GPX8: variants seen among roughly 807,000 people sequenced by gnomAD.
GPX8 encodes the protein glutathione peroxidase 8 (putative).
In GPX8, 12 loss-of-function variants were observed where a neutral mutation model predicts 17.8. The observed-to-expected ratio is 0.67, with a 90% CI of 0.43 to 1.09. GPX8 has a LOEUF of 1.09. Among genes scored for constraint, GPX8 ranks in the 50% least tolerant of loss-of-function variants. The pLI is 0.00. For missense variants in GPX8, 209 were observed against 235.6 expected (o/e 0.89, Z 0.74); for synonymous variants, 86 against 88.1 (o/e 0.98, Z 0.14).
At chr5:55,160,915 T>G (rs1486835634) in intron 1 of GPX8, 79 bp from the exon 2 acceptor site, 2 of 1,447,168 alleles carry the variant, frequency 1.4e-6, no homozygotes, top group Non-Finnish European at 1.9e-6. Context: ...CCCAAATTGT[T>G]TAGGATTTTA....
chr5:55,161,139 G>A lies in GPX8; in HGVS notation c.350G>A (p.Arg117His), dbSNP rs1744032917. 1.9e-6 allele frequency: 3 copies of A among 1,614,160 alleles called. No individual in the cohort carries two copies. The highest frequency in any genetic ancestry group is 1.1e-5 in the South Asian group (1 of 91,080). ...AATCAGTTTGGAGAATCGGAGCCCCGCCCAAGCAAGGAAGTAGAATCTTTT... is the reference window on the plus strand; with the variant it reads ...AATCAGTTTGGAGAATCGGAGCCCCACCCAAGCAAGGAAGTAGAATCTTTT... ...PCNQFGESEP[R>H]PSKEVESFAR... The change falls in exon 2 of 3, where the codon CGC becomes CAC. Residue 117 changes from arginine to histidine, a missense_variant. By Grantham distance (29) the Arg-to-His change is conservative. Transcript: ENST00000503787.
At position 55,161,074 on chromosome 5, in the gene GPX8, G is replaced by A; in HGVS notation, c.285G>A (p.Glu95=). The A allele has an allele frequency of 1.2e-6, 2 of 1,614,184 alleles. No individual in the cohort carries two copies. Among genetic ancestry groups the A allele is most frequent in the South Asian group, 2.2e-5 (2 of 91,082 alleles). ...NYLGLKELHK[E]FGPSHFSVLA... is the part of the protein sequence containing the mutation. ...TAGGGCTGAAGGAACTGCACAAAGA[G>A]TTTGGACCATCCCACTTCAGCGTGT... Residue 95 remains glutamate (E), a synonymous_variant, in exon 2 of 3, where the codon GAG becomes GAA. Coordinates refer to ENST00000503787, the MANE Select transcript of GPX8 (RefSeq NM_001008397.4).
intron 2 of GPX8, among the ~76,000 whole-genome samples, chr5:55,163,309 C>G (rs573189665): frequency 2.0e-5 from 3 of 152,014 alleles, no homozygotes; most frequent in Admixed American, 6.5e-5. Context: ...CACTTTAGTG[C>G]CCAGGAGTTC....
chr5:55,162,194 G>C (rs891670310), intron 2 of GPX8, among the ~76,000 whole-genome samples: 1 of 151,406 alleles, frequency 6.6e-6, no homozygotes, highest in Admixed American at 6.6e-5. Flanking sequence ...TCAGGAGTTA[G>C]AGACTAGCCT....
chr5:55,162,090 CAAAAAA>C (rs34286995), intron 2 of GPX8, among the ~76,000 whole-genome samples: 77 of 90,714 alleles, frequency 8.5e-4, no homozygotes, highest in Admixed American at 1.6e-3. Flanking sequence ...CCATATTAGT[CAAAAAA>C]AAAAAAAAAA....
intron 1 of GPX8, 60 bp downstream of exon 1, chr5:55,160,456 T>C: frequency 7.2e-7 from 1 of 1,385,194 alleles, no homozygotes; most frequent in Non-Finnish European, 1.0e-6. Context: ...TTTATTCCTC[T>C]TAATAAAATC....
rs201959870 is a variant in GPX8 at position 55,161,231 on chromosome 5, G to A, written c.442G>A (p.Glu148Lys). 6.2e-7 allele frequency: 1 copy of A among 1,613,792 alleles called. No individual in the cohort carries two copies. Among genetic ancestry groups the A allele is most frequent in the African/African-American group, 1.3e-5 (1 of 75,000 alleles). Reference sequence around the variant, plus strand: ...GATTAAGATTCTAGGATCTGAAGGAGAACCTGCATTTAGATTTCTTGTTGG... The same window carrying A: ...GATTAAGATTCTAGGATCTGAAGGAAAACCTGCATTTAGATTTCTTGTTGG... ...HKIKILGSEG[E>K]PAFRFLVDSS... Residue 148 changes from glutamate (E) to lysine (K), a missense_variant, in exon 2 of 3, where the codon GAA (glutamate) becomes AAA (lysine). Transcript: ENST00000503787.
chr5:55,162,570 T>C (rs1051032813), intron 2 of GPX8, among the ~76,000 whole-genome samples: 1 of 152,230 alleles, frequency 6.6e-6, no homozygotes, highest in African/African-American at 2.4e-5. Context: ...TTCACATAAA[T>C]GTGAAGTCAG....
At chr5:55,162,636 G>A (rs1170272382) in intron 2 of GPX8, among the ~76,000 whole-genome samples, 3 of 152,134 alleles carry the variant, frequency 2.0e-5, no homozygotes, top group Non-Finnish European at 4.4e-5. Flanking sequence ...AATGCCTAAC[G>A]CCATAAATGG....
rs916619326 is a variant in GPX8 at position 55,167,042 on chromosome 5, T to A, written c.*2824T>A. ...GAGACCCCATCTTAAAGACCCTGTCTCAAAAAAGAGAGAAAAAGAAAAAGA... is the reference window on the plus strand; with the variant it reads ...GAGACCCCATCTTAAAGACCCTGTCACAAAAAAGAGAGAAAAAGAAAAAGA... On this transcript the variant is annotated 3_prime_UTR_variant, in exon 3 of 3. Transcript: ENST00000503787. 3 of 151,754 alleles carry A rather than the reference T, an allele frequency of 2.0e-5. No homozygotes were observed. The highest frequency in any genetic ancestry group is 7.3e-5 in the African/African-American group (3 of 41,288). The allele number at this position is 151,754 out of a possible 1,614,324, so 9.4% of individuals were successfully genotyped here.
Position 55,160,911 on chromosome 5 carries a change from T to C in GPX8, c.205-83T>C, listed in dbSNP as rs1744011719. On this transcript the variant is annotated intron_variant, in intron 1 of 2. Coordinates refer to ENST00000503787, the MANE Select transcript of GPX8 (RefSeq NM_001008397.4). The stretch of plus-strand genomic sequence containing the variant: ...ATCAGAGGTTATAGTCCCCCCCAAA[T>C]TGTTTAGGATTTTAACTACTTGCAG... 5.0e-6 allele frequency: 7 copies of C among 1,402,834 alleles called. No individual in the cohort carries two copies. The South Asian group carries it at 7.1e-5, about 14-fold the overall frequency. The allele number at this position is 1,402,834 out of a possible 1,614,324, so 86.9% of individuals were successfully genotyped here.
chr5:55,164,318 C>G lies in GPX8; in HGVS notation c.*100C>G, dbSNP rs1744262669. ...TTGGAGACAGTGTCTCACTCTGTCACCCAGGCTGGAGTGCAGTAGTGCGTT... is the reference window on the plus strand; with the variant it reads ...TTGGAGACAGTGTCTCACTCTGTCAGCCAGGCTGGAGTGCAGTAGTGCGTT... On this transcript the variant is annotated 3_prime_UTR_variant, in exon 3 of 3. Coordinates refer to ENST00000503787, the MANE Select transcript of GPX8 (RefSeq NM_001008397.4). 2 of 872,592 alleles carry G rather than the reference C, an allele frequency of 2.3e-6. No homozygotes were observed. The highest frequency in any genetic ancestry group is 1.6e-6 in the Non-Finnish European group (1 of 623,652). 54.1% of individuals were successfully genotyped at this position (872,592 alleles called of 1,614,324 possible). A position where few individuals can be genotyped will look rare whatever the true frequency, so the allele number is the denominator to read the frequency against.
At chr5:55,162,090 CAAAAAAAA>C (rs34286995) in intron 2 of GPX8, among the ~76,000 whole-genome samples, 6 of 90,732 alleles carry the variant, frequency 6.6e-5, no homozygotes, top group Admixed American at 1.2e-4. Flanking sequence ...CCATATTAGT[CAAAAAAAA>C]AAAAAAAAAA....
At chr5:55,161,806 C>A (rs2111562949) in intron 2 of GPX8, among the ~76,000 whole-genome samples, 1 of 152,294 alleles carries the variant, frequency 6.6e-6, no homozygotes, top group African/African-American at 2.4e-5. Flanking sequence ...ATTAAGCTAG[C>A]TACAGAAATC....
chr5:55,163,075 C>T (rs1185720772), intron 2 of GPX8, among the ~76,000 whole-genome samples: 10 of 152,046 alleles, frequency 6.6e-5, no homozygotes, highest in African/African-American at 1.7e-4. Flanking sequence ...AAGCACGGAG[C>T]GTACATTAAT....
rs747684704 is a variant in GPX8 at position 55,160,341 on chromosome 5, TTGAAG to T, written c.155_159del (p.Val52GlyfsTer13). Reference sequence around the variant, plus strand: ...CCTAAAATCAACAGCTTTTATGCCTTTGAAGTGAAGGATGCAAAAGGAAGAACTGT... The same window carrying T: ...CCTAAAATCAACAGCTTTTATGCCTTTGAAGGATGCAAAAGGAAGAACTGT... On this transcript the variant is annotated frameshift_variant, in exon 1 of 3. Transcript: ENST00000503787. LOFTEE classifies it high-confidence loss of function. The T allele has an allele frequency of 1.5e-5, 24 of 1,613,638 alleles. No homozygotes were observed. The highest frequency in any genetic ancestry group is 2.7e-5 in the African/African-American group (2 of 74,914).
chr5:55,161,062 A>G lies in GPX8; in HGVS notation c.273A>G (p.Glu91=), dbSNP rs759765643. The G allele has an allele frequency of 1.2e-6, 2 of 1,614,176 alleles. No individual in the cohort carries two copies. The highest frequency in any genetic ancestry group is 1.7e-6 in the Non-Finnish European group (2 of 1,180,026). ...LTDRNYLGLK[E]LHKEFGPSHF... ...ACAGAAATTACTTAGGGCTGAAGGA[A>G]CTGCACAAAGAGTTTGGACCATCCC... Residue 91 remains glutamate (E), a synonymous_variant, in exon 2 of 3, where the codon GAA becomes GAG. Transcript: ENST00000503787.
In GPX8 at chr5:55,161,180, G is replaced by A. The variant is rs1427860967; in HGVS notation, c.391G>A (p.Gly131Arg). The change falls in exon 2 of 3, where the codon GGA (glycine) becomes AGA (arginine). Residue 131 changes from glycine to arginine, a missense_variant. By Grantham distance (125) the Gly-to-Arg change is moderately radical (BLOSUM62 -2). Transcript: ENST00000503787. Reference protein sequence around the residue: ...EVESFARKNYGVTFPIFHKIK... With the variant: ...EVESFARKNYRVTFPIFHKIK... ...AGAATCTTTTGCAAGAAAAAACTAC[G>A]GAGTAACTTTCCCCATCTTCCACAA... is the stretch of plus-strand genomic sequence containing the variant. 1 of 1,613,930 alleles carries A rather than the reference G, an allele frequency of 6.2e-7. No individual in the cohort carries two copies. The highest frequency in any genetic ancestry group is 8.5e-7 in the Non-Finnish European group (1 of 1,179,932).
rs1744246548 is a variant in GPX8, at chr5:55,164,122, G to A, written c.534G>A (p.Val178=). Reference sequence around the variant, plus strand: ...TTGTCAACCCTGAGGGTCAAGTTGTGAAGTTCTGGAAGCCAGAGGAGCCCA... The same window carrying A: ...TTGTCAACCCTGAGGGTCAAGTTGTAAAGTTCTGGAAGCCAGAGGAGCCCA... ...KYLVNPEGQV[V]KFWKPEEPIE... The change falls in exon 3 of 3, where the codon GTG becomes GTA. Residue 178 remains valine (V), a synonymous_variant. Coordinates refer to ENST00000503787, the MANE Select transcript of GPX8 (RefSeq NM_001008397.4). 1 of 1,607,342 alleles carries A rather than the reference G, an allele frequency of 6.2e-7. No homozygotes were observed.
Sources: gnomAD v4.1 joint callset for allele counts (sites outside exome capture counted in the v4.1 genomes callset) on GRCh38, gnomAD v4.1.1 for gene constraint, MANE v1.5 for transcripts, NCBI Gene and HGNC (gene_info 2026-07-23, HGNC 2026-07-21) for gene names.